The following CCSER1 variants were observed in gnomAD, a reference collection of about 807,000 sequenced individuals.
CCSER1 encodes the protein coiled-coil serine rich protein 1, also known as serine-rich coiled-coil domain-containing protein 1.
In CCSER1, 41 loss-of-function variants were observed where a neutral mutation model predicts 82.0. That is an observed-to-expected ratio of 0.50 (90% CI 0.39 to 0.65). CCSER1 has a LOEUF of 0.65. Ranked by LOEUF, CCSER1 falls within the 30% of genes least tolerant of loss-of-function variation. The probability of loss-of-function intolerance (pLI) is 0.00; values close to 1 mark genes in which losing one functional copy is unlikely to be tolerated. For missense variants in CCSER1, 1,119 were observed against 1,064.2 expected, an observed-to-expected ratio of 1.05 and a Z score of -0.72; for synonymous variants, 414 against 383.9, an observed-to-expected ratio of 1.08 and a Z score of -0.92.
chr4:91,552,347 C>G lies in CCSER1; in HGVS notation c.2218-46225C>G, dbSNP rs114977188. Among the ~76,000 whole-genome samples the G allele has an allele frequency of 1.8e-3, 267 of 151,822 alleles. 8 individuals are homozygous for G. The highest frequency in any genetic ancestry group is 6.1e-3 in the African/African-American group (254 of 41,312). On this transcript the variant is annotated intron_variant, in intron 10 of 10. Coordinates refer to ENST00000509176, the MANE Select transcript of CCSER1 (RefSeq NM_001145065.2). ...CCAAACATAAATTACTTTCCAGGCA[C>G]CATTCTGAGGCCTGAGGATACAGAA...
At chr4:90,386,243 C>T (rs1001273989) in intron 3 of CCSER1, among the ~76,000 whole-genome samples, 1 of 152,178 alleles carries the variant, frequency 6.6e-6, no homozygotes, top group East Asian at 1.9e-4. Flanking sequence ...CATCGCATTA[C>T]CTTCCTTCAA....
At chr4:90,395,499 G>A (rs1226707634) in intron 3 of CCSER1, among the ~76,000 whole-genome samples, 1 of 151,908 alleles carries the variant, frequency 6.6e-6, no homozygotes, top group Non-Finnish European at 1.5e-5. Context: ...CTACATGAAA[G>A]CCATCTCTTA....
intron 10 of CCSER1, among the ~76,000 whole-genome samples, chr4:91,261,125 T>C (rs1014509459): frequency 6.6e-6 from 1 of 152,210 alleles, no homozygotes; most frequent in African/African-American, 2.4e-5. Flanking sequence ...TTAGTCAGAA[T>C]AGATGGAAGT....
intron 10 of CCSER1, among the ~76,000 whole-genome samples, chr4:91,348,033 A>T (rs1748182531): frequency 6.6e-6 from 1 of 152,116 alleles, no homozygotes; most frequent in Non-Finnish European, 1.5e-5. Context: ...GTGTAAGAAC[A>T]GACTTCCTTG....
intron 1 of CCSER1, among the ~76,000 whole-genome samples, chr4:90,231,351 A>G (rs1744498112): frequency 6.6e-6 from 1 of 152,086 alleles, no homozygotes; most frequent in Non-Finnish European, 1.5e-5. Context: ...CAGCATATAA[A>G]CAGAACCAAA....
intron 10 of CCSER1, among the ~76,000 whole-genome samples, chr4:91,379,948 G>C (rs1034830441): frequency 2.0e-5 from 3 of 152,060 alleles, no homozygotes; most frequent in South Asian, 2.1e-4. Context: ...TATGTTGTGT[G>C]TTTGTTCTTG....
intron 10 of CCSER1, among the ~76,000 whole-genome samples, chr4:91,271,796 C>T (rs1248552519): frequency 1.3e-5 from 2 of 151,862 alleles, no homozygotes; most frequent in Non-Finnish European, 2.9e-5. Context: ...CTCTTGTTGC[C>T]CAGGCTTGAG....
chr4:91,184,591 A>T (rs2149036564), intron 10 of CCSER1, among the ~76,000 whole-genome samples: 1 of 152,268 alleles, frequency 6.6e-6, no homozygotes, highest in East Asian at 1.9e-4. Context: ...TTCAGTAACT[A>T]ATTTCTCTAA....
intron 7 of CCSER1, among the ~76,000 whole-genome samples, chr4:90,751,393 T>G (rs2904365): frequency 0.27 from 40,490 of 152,038 alleles, 5,995 homozygotes; most frequent in East Asian, 0.34. Context: ...GTATCTTTGT[T>G]CTTATTCAGA....
chr4:90,486,645 T>C (rs1767102152), intron 5 of CCSER1, among the ~76,000 whole-genome samples: 1 of 152,208 alleles, frequency 6.6e-6, no homozygotes. Context: ...GAGTCAGTTA[T>C]GGACAAAGAG....
chr4:90,691,820 C>T (rs566745779), intron 6 of CCSER1, among the ~76,000 whole-genome samples: 76 of 151,630 alleles, frequency 5.0e-4, no homozygotes, highest in African/African-American at 1.7e-3. Context: ...ACATAGTACT[C>T]GATCAGTAGT....
chr4:90,430,105 T>C (rs1758070149), intron 4 of CCSER1, among the ~76,000 whole-genome samples: 1 of 151,858 alleles, frequency 6.6e-6, no homozygotes, highest in African/African-American at 2.4e-5. Context: ...AAGAAATACC[T>C]AGTACACTCT....
chr4:90,503,361 T>C (rs968922723), intron 5 of CCSER1, among the ~76,000 whole-genome samples: 22 of 152,308 alleles, frequency 1.4e-4, no homozygotes, highest in African/African-American at 5.3e-4. Context: ...AATACTTAAA[T>C]AAGAAAACTT....
chr4:90,789,800 C>G (rs1754993504), intron 7 of CCSER1, among the ~76,000 whole-genome samples: 1 of 152,118 alleles, frequency 6.6e-6, no homozygotes, highest in South Asian at 2.1e-4. Context: ...AACTGTAAGC[C>G]CATTAAACTT....
At chr4:91,033,338 T>C (rs62310984) in intron 9 of CCSER1, among the ~76,000 whole-genome samples, 46,462 of 151,926 alleles carry the variant, frequency 0.31, 7,315 homozygotes, top group African/African-American at 0.35. Context: ...GGAATTTTCT[T>C]AGAGGGATGC....
intron 10 of CCSER1, among the ~76,000 whole-genome samples, chr4:91,479,708 TTTC>T (rs1237702793): frequency 1.3e-4 from 5 of 39,392 alleles, no homozygotes; most frequent in East Asian, 0.012. Flanking sequence ...TTTTCTTTTT[TTTC>T]TTTCTTTTTT....
intron 10 of CCSER1, among the ~76,000 whole-genome samples, chr4:91,376,480 G>A (rs900886939): frequency 1.3e-5 from 2 of 152,136 alleles, no homozygotes; most frequent in African/African-American, 4.8e-5. Flanking sequence ...TGTCACATAT[G>A]TGGTCTATCA....
intron 5 of CCSER1, among the ~76,000 whole-genome samples, chr4:90,547,248 A>G (rs1413146511): frequency 6.6e-6 from 1 of 151,974 alleles, no homozygotes; most frequent in Non-Finnish European, 1.5e-5. Flanking sequence ...AAAAAAAGAA[A>G]AAAAAAGGTG....
At position 91,179,441 on chromosome 4, in the gene CCSER1, G is replaced by A. The variant is rs1002647311; in HGVS notation, c.2217+93447G>A. On this transcript the variant is annotated intron_variant, in intron 10 of 10. Coordinates refer to ENST00000509176, the MANE Select transcript of CCSER1 (RefSeq NM_001145065.2). ...CTCCCCGCCACTTTCAGGTACACCA[G>A]TCAGACATAAGTTTGGTCTTTTCAC... 2.0e-5 allele frequency among the ~76,000 whole-genome samples: 3 copies of A among 152,180 alleles called. No homozygotes were observed. In the South Asian group the frequency reaches 6.2e-4, roughly 31 times the overall value.
Sources: gnomAD v4.1 joint callset for allele counts (sites outside exome capture counted in the v4.1 genomes callset) on GRCh38, gnomAD v4.1.1 for gene constraint, MANE v1.5 for transcripts, NCBI Gene and HGNC (gene_info 2026-07-23, HGNC 2026-07-21) for gene names.